Variants in LUZP2 observed in about 807,000 individuals in gnomAD.
LUZP2 encodes the protein leucine zipper protein 2.
Under a neutral mutation model 51.6 loss-of-function variants are expected in LUZP2, and 52 were observed. The ratio of observed to expected loss-of-function variants is 1.01; its 90% CI spans 0.81 to 1.27. The LOEUF is 1.27. Among genes scored for constraint, LUZP2 ranks in the 50% most tolerant of loss-of-function variants. The probability of loss-of-function intolerance (pLI) is 0.00; values close to 1 mark genes in which losing one functional copy is unlikely to be tolerated. For synonymous variants in LUZP2, 154 were observed against 137.3 expected (o/e 1.12, Z -0.85); for missense variants, 436 against 395.4 (o/e 1.10, Z -0.87).
chr11:24,818,904 C>T (rs1375432983), intron 5 of LUZP2, among the ~76,000 whole-genome samples: 1 of 151,990 alleles, frequency 6.6e-6, no homozygotes, highest in Admixed American at 6.6e-5. Context: ...AAAGCCATAT[C>T]TGTTCTGCTA....
chr11:24,881,090 C>T (rs555289031), intron 5 of LUZP2, among the ~76,000 whole-genome samples: 1 of 152,028 alleles, frequency 6.6e-6, no homozygotes, highest in East Asian at 1.9e-4. Flanking sequence ...TTTTTGGTTG[C>T]CAGGTAAGCT....
chr11:24,965,520 G>A (rs1051743989), intron 7 of LUZP2, among the ~76,000 whole-genome samples: 1 of 151,578 alleles, frequency 6.6e-6, no homozygotes, highest in Non-Finnish European at 1.5e-5. Flanking sequence ...TGTTTTTGAA[G>A]CATTCTCTGG....
At chr11:24,780,001 G>A (rs766126437) in intron 5 of LUZP2, among the ~76,000 whole-genome samples, 1 of 151,878 alleles carries the variant, frequency 6.6e-6, no homozygotes, top group Non-Finnish European at 1.5e-5. Context: ...CCTCTGGAGG[G>A]AGCTCAACAC....
At chr11:24,547,584 A>T (rs375116066) in intron 1 of LUZP2, among the ~76,000 whole-genome samples, 35 of 152,304 alleles carry the variant, frequency 2.3e-4, no homozygotes, top group African/African-American at 7.9e-4. Context: ...AAGGTGAGTT[A>T]AAGACTTAAA....
At chr11:24,554,985 G>A (rs1405133668) in intron 1 of LUZP2, among the ~76,000 whole-genome samples, 1 of 152,076 alleles carries the variant, frequency 6.6e-6, no homozygotes, top group African/African-American at 2.4e-5. Flanking sequence ...ATGAAGGCAT[G>A]AAGTACTGCA....
At chr11:24,784,678 G>A (rs1849188731) in intron 5 of LUZP2, among the ~76,000 whole-genome samples, 1 of 151,948 alleles carries the variant, frequency 6.6e-6, no homozygotes, top group African/African-American at 2.4e-5. Context: ...GAGTCCTCCA[G>A]TAAAACAAGG....
chr11:24,649,976 G>GAC (rs138976467), intron 1 of LUZP2, among the ~76,000 whole-genome samples: 1,558 of 146,978 alleles, frequency 0.011, 20 homozygotes, highest in African/African-American at 0.033. Flanking sequence ...TACACACAGA[G>GAC]ACACACACAC....
intron 4 of LUZP2, among the ~76,000 whole-genome samples, chr11:24,752,890 G>A (rs1259487539): frequency 6.6e-6 from 1 of 151,754 alleles, no homozygotes; most frequent in Non-Finnish European, 1.5e-5. Context: ...AAAATTAAAA[G>A]AATAGGAAAA....
intron 1 of LUZP2, among the ~76,000 whole-genome samples, chr11:24,574,148 CT>C (rs1159455131): frequency 6.8e-6 from 1 of 146,438 alleles, no homozygotes; most frequent in Non-Finnish European, 1.5e-5. Context: ...TCTTTCCTTC[CT>C]TCTTCCTTCT....
rs371922708 is a variant in LUZP2, at chr11:24,988,242, A to G, written c.765+4949A>G. On this transcript the variant is annotated intron_variant, in intron 9 of 11. Transcript: ENST00000336930. Reference sequence around the variant, plus strand: ...TGAAAGGATGCATGAGGGAGGTGAGATCTCACAGTATGTGTTAAAGCCAAT... The same window carrying G: ...TGAAAGGATGCATGAGGGAGGTGAGGTCTCACAGTATGTGTTAAAGCCAAT... 5.9e-5 allele frequency among the ~76,000 whole-genome samples: 9 copies of G among 152,100 alleles called. No individual in the cohort carries two copies. The East Asian group carries it at 1.4e-3, about 23-fold the overall frequency.
intron 1 of LUZP2, among the ~76,000 whole-genome samples, chr11:24,710,591 A>T (rs987390934): frequency 6.6e-6 from 1 of 152,090 alleles, no homozygotes; most frequent in Admixed American, 6.6e-5. Context: ...GCTCTTCTGA[A>T]TTTTTCTACT....
intron 10 of LUZP2, among the ~76,000 whole-genome samples, chr11:25,050,361 G>A (rs1294788331): frequency 1.5e-5 from 2 of 133,098 alleles, no homozygotes; most frequent in African/African-American, 5.7e-5. Context: ...GAGTGCAGTG[G>A]CACAATCTCG....
chr11:24,674,981 G>C (rs1243721603), intron 1 of LUZP2, among the ~76,000 whole-genome samples: 1 of 152,174 alleles, frequency 6.6e-6, no homozygotes, highest in African/African-American at 2.4e-5. Context: ...AATGTTGTTT[G>C]TGTAGCACAT....
intron 1 of LUZP2, among the ~76,000 whole-genome samples, chr11:24,561,116 A>G (rs1852026382): frequency 6.6e-6 from 1 of 152,332 alleles, no homozygotes; most frequent in East Asian, 1.9e-4. Context: ...AGCCTATTAT[A>G]TATTTCAGGT....
At chr11:24,682,522 TTC>T (rs530224322) in intron 1 of LUZP2, among the ~76,000 whole-genome samples, 9 of 110 alleles carry the variant, frequency 0.082, no homozygotes, top group African/African-American at 0.25. Flanking sequence ...AAAATGCAAA[TTC>T]AGTAGGTTCA....
chr11:25,010,802 G>T (rs1023980661), intron 9 of LUZP2, among the ~76,000 whole-genome samples: 2 of 151,854 alleles, frequency 1.3e-5, no homozygotes, highest in African/African-American at 4.8e-5. Flanking sequence ...AGCCAAGATC[G>T]CACCATTGCA....
intron 9 of LUZP2, among the ~76,000 whole-genome samples, chr11:24,984,686 C>A (rs980616463): frequency 1.5e-4 from 22 of 150,762 alleles, no homozygotes; most frequent in South Asian, 4.2e-4. Context: ...ATGGTGCATA[C>A]CTGTTACATT....
chr11:25,004,090 G>A lies in LUZP2; in HGVS notation c.765+20797G>A, dbSNP rs552478488. ...TGGCCCTCAATGGTTAAACATACCCGGGGCTCAGTGAGGGTGATGACATGA... is the reference window on the plus strand; with the variant it reads ...TGGCCCTCAATGGTTAAACATACCCAGGGCTCAGTGAGGGTGATGACATGA... On this transcript the variant is annotated intron_variant, in intron 9 of 11. Coordinates refer to ENST00000336930, the MANE Select transcript of LUZP2 (RefSeq NM_001009909.4). Among the ~76,000 whole-genome samples, 7 of 152,172 alleles carry A rather than the reference G, an allele frequency of 4.6e-5. No individual in the cohort carries two copies. In the East Asian group the frequency reaches 5.8e-4, roughly 13 times the overall value.
intron 7 of LUZP2, among the ~76,000 whole-genome samples, chr11:24,968,458 C>T (rs1855651707): frequency 6.6e-6 from 1 of 152,146 alleles, no homozygotes; most frequent in South Asian, 2.1e-4. Flanking sequence ...AATCTAAAGA[C>T]TGCTGTTTTG....
Sources: gnomAD v4.1 joint callset for allele counts (sites outside exome capture counted in the v4.1 genomes callset) on GRCh38, gnomAD v4.1.1 for gene constraint, MANE v1.5 for transcripts, NCBI Gene and HGNC (gene_info 2026-07-23, HGNC 2026-07-21) for gene names.